The following ESRRG variants were observed in gnomAD, a reference collection of about 807,000 sequenced individuals.
ESRRG encodes the protein estrogen-related receptor gamma.
A neutral mutation model predicts 44.0 loss-of-function variants in ESRRG; 13 were observed. The ratio of observed to expected loss-of-function variants is 0.30; its 90% CI spans 0.19 to 0.47. ESRRG has a LOEUF of 0.47. Among genes scored for constraint, ESRRG ranks in the 20% least tolerant of loss-of-function variants. The pLI, the probability that ESRRG is intolerant of heterozygous loss-of-function variation, is 1.00. For missense variants in ESRRG, 395 were observed against 580.6 expected (o/e 0.68, Z 3.29); for synonymous variants, 215 against 214.6 (o/e 1.00, Z -0.02).
At chr1:216,921,589 C>T (rs1408061880) in intron 2 of ESRRG, among the ~76,000 whole-genome samples, 2 of 152,138 alleles carry the variant, frequency 1.3e-5, no homozygotes, top group Non-Finnish European at 2.9e-5. Context: ...GGTGGCTGCT[C>T]ACTCACTTCC....
chr1:216,993,570 G>A (rs958133589), intron 1 of ESRRG, among the ~76,000 whole-genome samples: 1 of 152,216 alleles, frequency 6.6e-6, no homozygotes, highest in Non-Finnish European at 1.5e-5. Flanking sequence ...GGCAGAGACC[G>A]GAATCAGATA....
At chr1:216,937,297 TA>T (rs769089812) in intron 2 of ESRRG, among the ~76,000 whole-genome samples, 10 of 152,058 alleles carry the variant, frequency 6.6e-5, no homozygotes, top group Non-Finnish European at 1.5e-4. Flanking sequence ...AAAAAGGTAT[TA>T]AAGTACCAAT....
chr1:216,554,510 C>T (rs944085518), intron 5 of ESRRG, among the ~76,000 whole-genome samples: 5 of 151,358 alleles, frequency 3.3e-5, no homozygotes, highest in Non-Finnish European at 7.4e-5. Flanking sequence ...GTGGCTTATG[C>T]TTGTAATCTC....
chr1:216,706,530 T>G (rs979211863), intron 1 of ESRRG, among the ~76,000 whole-genome samples: 35 of 152,268 alleles, frequency 2.3e-4, no homozygotes, highest in African/African-American at 7.9e-4. Context: ...AAGTTTGCAA[T>G]CCTGTAATAC....
At chr1:216,907,274 A>C (rs530213439) in intron 2 of ESRRG, among the ~76,000 whole-genome samples, 3 of 152,314 alleles carry the variant, frequency 2.0e-5, no homozygotes, top group Admixed American at 2.0e-4. Flanking sequence ...AAAAAACCAA[A>C]ATCCACTTCA....
At chr1:216,893,010 C>A (rs762299560) in intron 2 of ESRRG, among the ~76,000 whole-genome samples, 1 of 152,172 alleles carries the variant, frequency 6.6e-6, no homozygotes, top group Non-Finnish European at 1.5e-5. Flanking sequence ...TCCTTAGCTG[C>A]ACATTTAAGA....
intron 2 of ESRRG, among the ~76,000 whole-genome samples, chr1:216,748,030 T>A (rs2091607490): frequency 6.6e-6 from 1 of 152,186 alleles, no homozygotes; most frequent in Non-Finnish European, 1.5e-5. Flanking sequence ...GAAATAGAGT[T>A]ATTACTCTTA....
At chr1:217,077,686 T>A (rs1297660403) in intron 1 of ESRRG, among the ~76,000 whole-genome samples, 1 of 152,206 alleles carries the variant, frequency 6.6e-6, no homozygotes, top group Non-Finnish European at 1.5e-5. Flanking sequence ...CTCAGTGGAA[T>A]GCTCTTTACG....
chr1:216,776,197 C>T (rs2093607690), intron 2 of ESRRG, among the ~76,000 whole-genome samples: 1 of 152,100 alleles, frequency 6.6e-6, no homozygotes, highest in Admixed American at 6.6e-5. Context: ...TATCACCACT[C>T]CCTTCCCTAC....
At chr1:216,882,029 G>C (rs2096456000) in intron 2 of ESRRG, among the ~76,000 whole-genome samples, 1 of 150,166 alleles carries the variant, frequency 6.7e-6, no homozygotes, top group East Asian at 2.0e-4. Context: ...ATGACATTTT[G>C]TATGGTGTTT....
At chr1:216,865,287 A>G (rs2096134653) in intron 2 of ESRRG, 2 of 151,370 alleles carry the variant, frequency 1.3e-5, no homozygotes, top group African/African-American at 4.9e-5. Context: ...GCACCTCAGA[A>G]CTTCCTTTGG....
intron 1 of ESRRG, among the ~76,000 whole-genome samples, chr1:216,940,495 G>T (rs570832977): frequency 2.0e-4 from 30 of 152,172 alleles, no homozygotes; most frequent in African/African-American, 7.2e-4. Flanking sequence ...AGAAGAGAAG[G>T]TTGTGACCAA....
chr1:216,836,528 C>T (rs1183052056), intron 2 of ESRRG, among the ~76,000 whole-genome samples: 1 of 152,144 alleles, frequency 6.6e-6, no homozygotes, highest in Non-Finnish European at 1.5e-5. Flanking sequence ...CCAGTGGGAG[C>T]CAGGCACAGC....
chr1:216,879,769 C>G (rs1263083804), intron 2 of ESRRG, among the ~76,000 whole-genome samples: 2 of 152,132 alleles, frequency 1.3e-5, no homozygotes, highest in Non-Finnish European at 2.9e-5. Context: ...CAGCAGTCTT[C>G]CCTCTTTTAA....
intron 1 of ESRRG, among the ~76,000 whole-genome samples, chr1:216,691,749 G>A (rs2079086157): frequency 6.6e-6 from 1 of 152,114 alleles, no homozygotes; most frequent in Admixed American, 6.5e-5. Context: ...TCCAGACCTG[G>A]CCTTCCCTGA....
chr1:216,813,696 T>A (rs533866382), intron 2 of ESRRG, among the ~76,000 whole-genome samples: 4 of 152,324 alleles, frequency 2.6e-5, no homozygotes, highest in South Asian at 4.1e-4. Flanking sequence ...GATGTCATAG[T>A]GAAGCTCAGA....
At chr1:216,700,136 A>T (rs1575487267) in intron 1 of ESRRG, among the ~76,000 whole-genome samples, 2 of 110,868 alleles carry the variant, frequency 1.8e-5, no homozygotes, top group African/African-American at 3.1e-5. Flanking sequence ...TTTTTTTTTT[A>T]ACCTCACTAG....
At chr1:217,099,376 C>CA (rs34591349) in intron 1 of ESRRG, among the ~76,000 whole-genome samples, 16 of 138,780 alleles carry the variant, frequency 1.2e-4, no homozygotes, top group African/African-American at 4.1e-4. Context: ...GTGAGCAGAG[C>CA]AAAAAAAAAA....
intron 1 of ESRRG, among the ~76,000 whole-genome samples, chr1:216,961,090 C>G (rs1318899905): frequency 2.6e-5 from 4 of 152,064 alleles, no homozygotes; most frequent in Non-Finnish European, 5.9e-5. Flanking sequence ...ATCAATGGGA[C>G]CAAATAGAGA....
Sources: allele counts gnomAD v4.1 joint callset (sites outside exome capture counted in the v4.1 genomes callset), GRCh38; gene constraint gnomAD v4.1.1; transcripts MANE v1.5; gene names NCBI Gene and HGNC (gene_info 2026-07-23, HGNC 2026-07-21).